PCDH15: variants seen among roughly 807,000 people sequenced by gnomAD.
The protein encoded by PCDH15 is protocadherin related 15.
PCDH15 carries 129 observed loss-of-function variants against 178.5 expected under a neutral mutation model. The observed-to-expected ratio is 0.72, with a 90% CI of 0.63 to 0.84. The LOEUF (loss-of-function observed/expected upper bound fraction) is 0.84, where lower values mean the gene tolerates loss of function less well. Ranked by LOEUF, PCDH15 falls within the 40% of genes least tolerant of loss-of-function variation. PCDH15 has a pLI of 0.00. For missense variants in PCDH15, 2,230 were observed against 2,099.9 expected (o/e 1.06, Z -1.21); for synonymous variants, 800 against 732.0 (o/e 1.09, Z -1.50).
intron 2 of PCDH15, among the ~76,000 whole-genome samples, chr10:55,593,465 G>A (rs1468463938): frequency 1.3e-5 from 2 of 151,736 alleles, no homozygotes; most frequent in African/African-American, 4.8e-5. Context: ...ATATATCCGA[G>A]AAGATAAAGA....
At chr10:55,426,525 C>G (rs1450052158) in intron 2 of PCDH15, among the ~76,000 whole-genome samples, 1 of 152,084 alleles carries the variant, frequency 6.6e-6, no homozygotes, top group Non-Finnish European at 1.5e-5. Flanking sequence ...AACCCGGTAG[C>G]CCCAGAGGGA....
chr10:55,510,686 T>G (rs576214077), intron 2 of PCDH15, among the ~76,000 whole-genome samples: 11 of 151,938 alleles, frequency 7.2e-5, no homozygotes, highest in African/African-American at 2.6e-4. Context: ...TAACAGAGAA[T>G]AGTGGAAAAT....
chr10:54,236,445 T>C (rs972071920), intron 9 of PCDH15, among the ~76,000 whole-genome samples: 2 of 152,106 alleles, frequency 1.3e-5, no homozygotes, highest in African/African-American at 4.8e-5. Flanking sequence ...CACAATTATG[T>C]ATAGTAACCA....
intron 2 of PCDH15, among the ~76,000 whole-genome samples, chr10:55,589,508 C>T (rs942786866): frequency 1.9e-3 from 287 of 151,904 alleles, no homozygotes; most frequent in Non-Finnish European, 3.3e-3. Flanking sequence ...AAAGAAACTA[C>T]CATCAGAGTG....
intron 2 of PCDH15, among the ~76,000 whole-genome samples, chr10:55,099,665 A>C (rs1017396529): frequency 3.3e-5 from 5 of 152,040 alleles, no homozygotes; most frequent in Non-Finnish European, 7.4e-5. Flanking sequence ...CCATGTCAGT[A>C]ATATCCATAA....
At chr10:54,871,796 T>C (rs1163176066) in intron 3 of PCDH15, among the ~76,000 whole-genome samples, 1 of 152,102 alleles carries the variant, frequency 6.6e-6, no homozygotes, top group Non-Finnish European at 1.5e-5. Context: ...CCTATCATGA[T>C]TACAAACTAC....
At chr10:54,698,227 G>A (rs184618860) in intron 1 of PCDH15, among the ~76,000 whole-genome samples, 4 of 152,240 alleles carry the variant, frequency 2.6e-5, no homozygotes, top group Admixed American at 1.3e-4. Flanking sequence ...AGTTAAACAC[G>A]TTTGGATATT....
chr10:53,887,128 T>C (rs944653698), intron 26 of PCDH15, among the ~76,000 whole-genome samples: 15 of 152,166 alleles, frequency 9.9e-5, no homozygotes, highest in African/African-American at 3.6e-4. Context: ...TGACTTTCAT[T>C]CTCCCTACCA....
intron 1 of PCDH15, among the ~76,000 whole-genome samples, chr10:55,250,300 T>C (rs569853400): frequency 2.0e-5 from 3 of 151,932 alleles, no homozygotes; most frequent in African/African-American, 7.2e-5. Context: ...CATGCTACTA[T>C]GACTGGATAA....
At chr10:55,460,579 C>T (rs1398837302) in intron 2 of PCDH15, among the ~76,000 whole-genome samples, 1 of 152,024 alleles carries the variant, frequency 6.6e-6, no homozygotes, top group East Asian at 1.9e-4. Context: ...CTTTTTAAAA[C>T]ATATTTTGTG....
chr10:53,888,003 A>C (rs2081221846), intron 26 of PCDH15, among the ~76,000 whole-genome samples: 1 of 152,020 alleles, frequency 6.6e-6, no homozygotes, highest in Admixed American at 6.6e-5. Context: ...AAAACTACAG[A>C]AATACTATAA....
intron 18 of PCDH15, among the ~76,000 whole-genome samples, chr10:54,038,872 A>G (rs961900799): frequency 3.9e-5 from 6 of 152,024 alleles, no homozygotes; most frequent in African/African-American, 1.4e-4. Flanking sequence ...TTACAATATC[A>G]TTCATTGTTT....
chr10:55,124,786 T>C (rs1837855510), intron 2 of PCDH15, among the ~76,000 whole-genome samples: 2 of 152,068 alleles, frequency 1.3e-5, no homozygotes, highest in Admixed American at 6.6e-5. Flanking sequence ...AAATTGTTGA[T>C]CAAATTTTAT....
At chr10:54,201,180 T>C (rs1252029152) in intron 10 of PCDH15, among the ~76,000 whole-genome samples, 1 of 152,142 alleles carries the variant, frequency 6.6e-6, no homozygotes, top group African/African-American at 2.4e-5. Flanking sequence ...TTTTTGAAAA[T>C]TGAATTTGAA....
intron 2 of PCDH15, among the ~76,000 whole-genome samples, chr10:54,584,673 C>A (rs896196142): frequency 1.3e-5 from 2 of 151,968 alleles, no homozygotes; most frequent in Non-Finnish European, 2.9e-5. Context: ...CCTATGATAT[C>A]CTCCTTGTAA....
At position 54,952,022 on chromosome 10, in the gene PCDH15, C is replaced by T. The variant is rs79009500; in HGVS notation, c.-79-54522G>A. Among the ~76,000 whole-genome samples, 959 of 151,848 alleles carry T rather than the reference C, an allele frequency of 6.3e-3. 11 individuals are homozygous for T. The highest frequency in any genetic ancestry group is 0.022 in the African/African-American group (909 of 41,462). ...TTTCATTCTTTTAACGTATCTTGCA[C>T]AGTTCAGAAGTTTTTAATTTTAATA... is the stretch of plus-strand genomic sequence containing the variant. On this transcript the variant is annotated intron_variant, in intron 2 of 5. Coordinates refer to the PCDH15 transcript ENST00000458638.
At chr10:54,440,734 A>G (rs1483160792) in intron 3 of PCDH15, among the ~76,000 whole-genome samples, 1 of 151,920 alleles carries the variant, frequency 6.6e-6, no homozygotes, top group African/African-American at 2.4e-5. Context: ...CTACCTATTT[A>G]TTACACAATA....
At chr10:54,488,431 T>C (rs552563317) in intron 3 of PCDH15, among the ~76,000 whole-genome samples, 10 of 151,648 alleles carry the variant, frequency 6.6e-5, no homozygotes, top group South Asian at 4.2e-4. Flanking sequence ...TGTCTTAATG[T>C]TTGCCTTTTT....
intron 2 of PCDH15, among the ~76,000 whole-genome samples, chr10:55,328,662 A>G (rs1293954710): frequency 2.0e-5 from 3 of 151,492 alleles, no homozygotes; most frequent in Admixed American, 6.6e-5. Flanking sequence ...GAGGGGAAAA[A>G]AAACCCTGTG....
Sources: allele counts gnomAD v4.1 joint callset (sites outside exome capture counted in the v4.1 genomes callset), GRCh38; gene constraint gnomAD v4.1.1; transcripts MANE v1.5; gene names NCBI Gene and HGNC (gene_info 2026-07-23, HGNC 2026-07-21).